GMDS: variants seen among roughly 807,000 people sequenced by gnomAD.
GMDS encodes the protein GDP-mannose 4,6 dehydratase.
A neutral mutation model predicts 49.9 loss-of-function variants in GMDS; 20 were observed. The observed-to-expected ratio is 0.40, with a 90% CI of 0.28 to 0.58. GMDS has a LOEUF of 0.58. Ranked by LOEUF, GMDS falls within the 20% of genes least tolerant of loss-of-function variation. GMDS has a pLI of 0.42. For missense variants in GMDS, 362 were observed against 481.4 expected, an observed-to-expected ratio of 0.75 and a Z score of 2.32; for synonymous variants, 177 against 178.6, an observed-to-expected ratio of 0.99 and a Z score of 0.07.
intron 1 of GMDS, among the ~76,000 whole-genome samples, chr6:2,161,031 A>G (rs1363899558): frequency 6.6e-6 from 1 of 151,090 alleles, no homozygotes; most frequent in Non-Finnish European, 1.5e-5. Context: ...TTTTTTTTTG[A>G]GACGGAGTCT....
At position 1,948,062 on chromosome 6, in the gene GMDS, C is replaced by A. The variant is rs932480831; in HGVS notation, c.643+11805G>T. ...CTAATAACTTCACTTCCACGATTTC[C>A]TTTAATGCTTATAACAACCTTAAGT... On this transcript the variant is annotated intron_variant, in intron 6 of 10. Coordinates refer to ENST00000380815, the MANE Select transcript of GMDS (RefSeq NM_001500.4). 3.9e-5 allele frequency among the ~76,000 whole-genome samples: 6 copies of A among 152,278 alleles called. No individual in the cohort carries two copies. The South Asian group carries it at 1.0e-3, about 26-fold the overall frequency.
At chr6:1,661,590 ACCCACT>A (rs564464980) in intron 9 of GMDS, among the ~76,000 whole-genome samples, 131 of 152,230 alleles carry the variant, frequency 8.6e-4, no homozygotes, top group Admixed American at 7.7e-3. Flanking sequence ...CAAGAAGCTC[ACCCACT>A]CCCCAGCCCT....
At chr6:1,888,472 G>T (rs888967381) in intron 7 of GMDS, among the ~76,000 whole-genome samples, 1 of 152,034 alleles carries the variant, frequency 6.6e-6, no homozygotes, top group African/African-American at 2.4e-5. Context: ...CACCATGGGG[G>T]AAACGACCCC....
intron 8 of GMDS, among the ~76,000 whole-genome samples, chr6:1,726,948 T>C (rs2113443542): frequency 6.6e-6 from 1 of 152,194 alleles, no homozygotes; most frequent in South Asian, 2.1e-4. Context: ...GTTTTAGGGA[T>C]ATTCAGAGTT....
At position 2,036,862 on chromosome 6, in the gene GMDS, G is replaced by A. The variant is rs142038473; in HGVS notation, c.346-75896C>T. 5.0e-3 allele frequency among the ~76,000 whole-genome samples: 766 copies of A among 152,262 alleles called. 18 individuals are homozygous for A. The East Asian group carries it at 0.063, about 12-fold the overall frequency. On this transcript the variant is annotated intron_variant, in intron 4 of 10. Coordinates refer to ENST00000380815, the MANE Select transcript of GMDS (RefSeq NM_001500.4). Reference sequence around the variant, plus strand: ...GCAGTATTCTCCAAATTAACGTGGCGTAGCTCACCTTATGCTATCCTGAAC... The same window carrying A: ...GCAGTATTCTCCAAATTAACGTGGCATAGCTCACCTTATGCTATCCTGAAC...
intron 7 of GMDS, among the ~76,000 whole-genome samples, chr6:1,765,796 A>G (rs182995230): frequency 5.3e-5 from 8 of 152,268 alleles, no homozygotes; most frequent in Non-Finnish European, 1.0e-4. Context: ...ACACTCCCCG[A>G]TGGAGGGTTA....
chr6:1,954,366 G>A (rs1763520098), intron 6 of GMDS, among the ~76,000 whole-genome samples: 1 of 152,240 alleles, frequency 6.6e-6, no homozygotes, highest in African/African-American at 2.4e-5. Context: ...AAAGGCTGGA[G>A]CGGCTGTGGC....
chr6:2,149,379 T>C (rs1776733352), intron 1 of GMDS, among the ~76,000 whole-genome samples: 1 of 152,128 alleles, frequency 6.6e-6, no homozygotes, highest in Non-Finnish European at 1.5e-5. Flanking sequence ...ACATGTGTGT[T>C]TCCTTCTGTC....
chr6:2,179,008 T>C (rs1017146045), intron 1 of GMDS, among the ~76,000 whole-genome samples: 1 of 152,230 alleles, frequency 6.6e-6, no homozygotes, highest in African/African-American at 2.4e-5. Flanking sequence ...AATTTCATTC[T>C]TCATGTGGCA....
intron 4 of GMDS, among the ~76,000 whole-genome samples, chr6:2,043,592 C>G (rs1769817254): frequency 6.6e-6 from 1 of 152,226 alleles, no homozygotes; most frequent in Admixed American, 6.5e-5. Flanking sequence ...ATTATTAACA[C>G]TAATTTATCT....
At chr6:2,177,343 A>C (rs1215594449) in intron 1 of GMDS, among the ~76,000 whole-genome samples, 1 of 152,184 alleles carries the variant, frequency 6.6e-6, no homozygotes, top group African/African-American at 2.4e-5. Flanking sequence ...GATGAATAAA[A>C]ACATAGCTGG....
chr6:1,836,848 T>C lies in GMDS; in HGVS notation c.771+93255A>G, dbSNP rs936597155. On this transcript the variant is annotated intron_variant, in intron 7 of 10. Coordinates refer to ENST00000380815, the MANE Select transcript of GMDS (RefSeq NM_001500.4). The surrounding 1 kb of genome is among the most constrained non-coding windows in gnomAD (Gnocchi z 4.2). ...CAATTTCTGTGCAGAGCAAGAGCTG[T>C]CAGGAAAAAGGTAATGAAGAAGAAT... is the stretch of plus-strand genomic sequence containing the variant. 6.6e-6 allele frequency among the ~76,000 whole-genome samples: 1 copy of C among 152,194 alleles called. No homozygotes were observed.
intron 4 of GMDS, among the ~76,000 whole-genome samples, chr6:2,047,322 G>A (rs973712817): frequency 2.0e-5 from 3 of 152,124 alleles, no homozygotes; most frequent in Non-Finnish European, 4.4e-5. Flanking sequence ...ATTCACCAAT[G>A]TAATTTTACC....
intron 8 of GMDS, among the ~76,000 whole-genome samples, chr6:1,737,876 CAT>C (rs1273505475): frequency 6.9e-6 from 1 of 145,532 alleles, no homozygotes; most frequent in East Asian, 2.1e-4. Context: ...TACACACATA[CAT>C]ACACACGCAA....
At chr6:2,143,176 G>A (rs1333731091) in intron 1 of GMDS, among the ~76,000 whole-genome samples, 1 of 152,154 alleles carries the variant, frequency 6.6e-6, no homozygotes, top group Non-Finnish European at 1.5e-5. Flanking sequence ...AATCTCACAG[G>A]TCCTATGGCT....
chr6:1,891,509 A>T (rs1759865589), intron 7 of GMDS, among the ~76,000 whole-genome samples: 1 of 152,224 alleles, frequency 6.6e-6, no homozygotes, highest in South Asian at 2.1e-4. Context: ...AGGATTCAAA[A>T]ATTTCCAAGT....
rs539624501 is a variant in GMDS, at chr6:2,195,309, T to C, written c.102+50012A>G. Reference sequence around the variant, plus strand: ...ATTAGACGTTACATTTTTGAAGAAGTGTTTTATTTTCCATTATTCCTTAAG... The same window carrying C: ...ATTAGACGTTACATTTTTGAAGAAGCGTTTTATTTTCCATTATTCCTTAAG... On this transcript the variant is annotated intron_variant, in intron 1 of 10. Coordinates refer to ENST00000380815, the MANE Select transcript of GMDS (RefSeq NM_001500.4). Among the ~76,000 whole-genome samples the C allele has an allele frequency of 2.9e-3, 446 of 152,070 alleles. 4 individuals are homozygous for C. Among genetic ancestry groups the C allele is most frequent in the African/African-American group, 0.01 (417 of 41,482 alleles).
intron 7 of GMDS, among the ~76,000 whole-genome samples, chr6:1,814,405 A>T (rs1770568861): frequency 6.6e-6 from 1 of 152,106 alleles, no homozygotes; most frequent in Admixed American, 6.6e-5. Flanking sequence ...CAATGTTTTC[A>T]ACACTATTAC....
intron 4 of GMDS, among the ~76,000 whole-genome samples, chr6:2,002,772 A>C (rs1044818267): frequency 3.9e-5 from 6 of 152,210 alleles, no homozygotes; most frequent in Admixed American, 3.9e-4. Flanking sequence ...AAATAAATTC[A>C]ACATCTACTG....
Sources: gnomAD v4.1 joint callset for allele counts (sites outside exome capture counted in the v4.1 genomes callset) on GRCh38, gnomAD v4.1.1 for gene constraint, Gnocchi (gnomAD v3.1) non-coding constraint, MANE v1.5 for transcripts, NCBI Gene and HGNC (gene_info 2026-07-23, HGNC 2026-07-21) for gene names.